ULK2: variants seen among roughly 807,000 people sequenced by gnomAD.
ULK2 encodes the protein unc-51 like autophagy activating kinase 2, also known as serine/threonine-protein kinase ULK2.
A neutral mutation model predicts 127.5 loss-of-function variants in ULK2; 76 were observed. The ratio of observed to expected loss-of-function variants is 0.60; its 90% CI spans 0.50 to 0.72. The LOEUF (loss-of-function observed/expected upper bound fraction) is 0.72. Among genes scored for constraint, ULK2 ranks in the 30% least tolerant of loss-of-function variants. The probability of loss-of-function intolerance (pLI) is 0.00; values close to 1 mark genes in which losing one functional copy is unlikely to be tolerated. For synonymous variants in ULK2, 452 were observed against 461.9 expected (o/e 0.98, Z 0.28); for missense variants, 1,144 against 1,295.9 (o/e 0.88, Z 1.80).
At chr17:19,789,919 A>AC (rs1264765763) in intron 20 of ULK2, among the ~76,000 whole-genome samples, 5 of 151,818 alleles carry the variant, frequency 3.3e-5, no homozygotes, top group African/African-American at 1.2e-4. Context: ...CCAAAAAAAA[A>AC]AAAAAACAAA....
At chr17:19,805,339 T>C (rs1474688943) in intron 14 of ULK2, among the ~76,000 whole-genome samples, 1 of 152,206 alleles carries the variant, frequency 6.6e-6, no homozygotes, top group Non-Finnish European at 1.5e-5. Flanking sequence ...CCACATTTTG[T>C]AGTGTCAGTA....
intron 10 of ULK2, among the ~76,000 whole-genome samples, chr17:19,827,901 ACT>A (rs1047543507): frequency 4.6e-5 from 7 of 151,250 alleles, no homozygotes; most frequent in Admixed American, 1.3e-4. Context: ...CAAGGGCGAA[ACT>A]CTGTCTCAAA....
chr17:19,859,326 C>T (rs2042195968), intron 3 of ULK2, among the ~76,000 whole-genome samples: 1 of 151,972 alleles, frequency 6.6e-6, no homozygotes, highest in South Asian at 2.1e-4. Context: ...CCAGCCTGGG[C>T]AACAAGGTGA....
At chr17:19,850,505 C>T (rs955680597) in intron 3 of ULK2, among the ~76,000 whole-genome samples, 27 of 152,136 alleles carry the variant, frequency 1.8e-4, no homozygotes, top group African/African-American at 6.0e-4. Flanking sequence ...TGTGGCTTAA[C>T]TTGAGCCAGT....
At chr17:19,860,132 A>C (rs2042211155) in intron 3 of ULK2, among the ~76,000 whole-genome samples, 1 of 128,686 alleles carries the variant, frequency 7.8e-6, no homozygotes, top group African/African-American at 3.5e-5. Context: ...ACTAAGTATA[A>C]ATGTTTAGAA....
At chr17:19,796,550 A>G (rs1210059039) in intron 18 of ULK2, among the ~76,000 whole-genome samples, 1 of 152,158 alleles carries the variant, frequency 6.6e-6, no homozygotes, top group Non-Finnish European at 1.5e-5. Context: ...ACTGATCTAG[A>G]TAAGTTAGTT....
chr17:19,849,940 A>T (rs1162267662), intron 3 of ULK2, among the ~76,000 whole-genome samples, 166 bp from the exon 4 acceptor site: 3 of 152,218 alleles, frequency 2.0e-5, no homozygotes, highest in Non-Finnish European at 4.4e-5. Context: ...TGATGTAATT[A>T]TCTCCTCTAC....
chr17:19,849,862 CATT>C, intron 3 of ULK2, 88 bp from the exon 4 acceptor site: 1 of 789,134 alleles, frequency 1.3e-6, no homozygotes, highest in Non-Finnish European at 2.0e-6. Flanking sequence ...CATACTTGTT[CATT>C]ATTAAAACTG....
chr17:19,867,466 C>T lies in ULK2; in HGVS notation c.-49G>A, dbSNP rs2042379515. On this transcript the variant is annotated 5_prime_UTR_variant, in exon 1 of 27. Transcript: ENST00000395544. ...CGGACGGGCGGGCGGCGCAGTGCGG[C>T]GCAGGTATCAGCACCGCGGCTCCGC... 6.6e-7 allele frequency: 1 copy of T among 1,514,320 alleles called. No individual in the cohort carries two copies. Among genetic ancestry groups the T allele is most frequent in the East Asian group, 2.6e-5 (1 of 37,934 alleles). 93.8% of individuals were successfully genotyped at this position (1,514,320 alleles called of 1,614,324 possible). A position where few individuals can be genotyped will look rare whatever the true frequency, so the allele number is the denominator to read the frequency against.
intron 1 of ULK2, 21 bp downstream of exon 1, chr17:19,867,307 C>T: frequency 6.5e-7 from 1 of 1,549,016 alleles, no homozygotes; most frequent in East Asian, 2.5e-5. Context: ...GGGGCCCGGC[C>T]TCGCCCCGGC....
At chr17:19,817,060 C>A (rs1231801217) in intron 12 of ULK2, 140 bp from the exon 13 acceptor site, 2 of 675,268 alleles carry the variant, frequency 3.0e-6, no homozygotes, top group South Asian at 5.7e-5. Flanking sequence ...AAAAAAATCT[C>A]TTTGGAAAAG....
At position 19,784,166 on chromosome 17, in the gene ULK2, T is replaced by C. The variant is rs530139999; in HGVS notation, c.2252-261A>G. The stretch of plus-strand genomic sequence containing the variant: ...CTCTGTTTTAAACAAATTTAGATCA[T>C]ATTCATTTCTCCTTGCTGCTCCACA... On this transcript the variant is annotated intron_variant, in intron 21 of 26. Transcript: ENST00000395544. 55 of 296,110 alleles carry C rather than the reference T, an allele frequency of 1.9e-4. 1 individual carries two copies. In the East Asian group the frequency reaches 3.0e-3, roughly 16 times the overall value. The allele number at this position is 296,110 out of a possible 1,614,324, so 18.3% of individuals were successfully genotyped here.
chr17:19,780,897 G>A (rs1273885142), intron 24 of ULK2, 89 bp downstream of exon 24: 3 of 1,254,854 alleles, frequency 2.4e-6, no homozygotes, highest in Non-Finnish European at 3.4e-6. Flanking sequence ...AAACAACAGT[G>A]AGTACTCATC....
chr17:19,790,588 A>G (rs1467747332), intron 20 of ULK2, among the ~76,000 whole-genome samples: 2 of 152,170 alleles, frequency 1.3e-5, no homozygotes, highest in African/African-American at 4.8e-5. Context: ...GGAGGGAAGA[A>G]GGAAGGAAGG....
intron 5 of ULK2, 78 bp from the exon 6 acceptor site, chr17:19,846,988 G>T (rs1421118149): frequency 7.2e-7 from 1 of 1,392,722 alleles, no homozygotes; most frequent in East Asian, 2.5e-5. Flanking sequence ...ACAGGATTGG[G>T]TTGTGAAGGA....
rs1292231561 is a variant in ULK2 at position 19,804,847 on chromosome 17, T to C, written c.1158-17A>G. 1.2e-6 allele frequency: 2 copies of C among 1,606,950 alleles called. No individual in the cohort carries two copies. The highest frequency in any genetic ancestry group is 1.7e-6 in the Non-Finnish European group (2 of 1,177,018). ...TGACACTGCCTGCAATCGTAATTTATTGAAAAAGGAAAGAAACAGTGGTAG... is the reference window on the plus strand; with the variant it reads ...TGACACTGCCTGCAATCGTAATTTACTGAAAAAGGAAAGAAACAGTGGTAG... On this transcript the variant is annotated splice_polypyrimidine_tract_variant and intron_variant, in intron 14 of 26. Transcript: ENST00000395544.
At chr17:19,866,594 G>T (rs72841969) in intron 1 of ULK2, among the ~76,000 whole-genome samples, 1,863 of 152,248 alleles carry the variant, frequency 0.012, 20 homozygotes, top group Non-Finnish European at 0.02. Flanking sequence ...ACGCCCCTTG[G>T]GCAACAATCA....
At chr17:19,852,296 C>A (rs538098506) in intron 3 of ULK2, among the ~76,000 whole-genome samples, 62 of 151,692 alleles carry the variant, frequency 4.1e-4, no homozygotes, top group Non-Finnish European at 7.9e-4. Flanking sequence ...CCGAGACAGG[C>A]GGATCACAAG....
chr17:19,825,646 G>C (rs558104020), intron 11 of ULK2, among the ~76,000 whole-genome samples: 2 of 151,808 alleles, frequency 1.3e-5, no homozygotes, highest in African/African-American at 4.8e-5. Context: ...GGAAGCAGAG[G>C]TTGTACCACT....
Sources: gnomAD v4.1 joint callset for allele counts (sites outside exome capture counted in the v4.1 genomes callset) on GRCh38, gnomAD v4.1.1 for gene constraint, MANE v1.5 for transcripts, NCBI Gene and HGNC (gene_info 2026-07-23, HGNC 2026-07-21) for gene names.